Variants in CPT1A observed in about 807,000 individuals in gnomAD.
CPT1A encodes the protein carnitine palmitoyltransferase 1A, also known as carnitine O-palmitoyltransferase 1, liver isoform.
A neutral mutation model predicts 100.8 loss-of-function variants in CPT1A; 64 were observed. The observed-to-expected ratio is 0.63, with a 90% CI of 0.52 to 0.78. The LOEUF is 0.78. Among genes scored for constraint, CPT1A ranks in the 30% least tolerant of loss-of-function variants. The pLI is 0.00. For synonymous variants in CPT1A, 363 were observed against 396.0 expected (o/e 0.92, Z 0.99); for missense variants, 802 against 1,034.1 (o/e 0.78, Z 3.08).
intron 8 of CPT1A, 148 bp from the exon 9 acceptor site, chr11:68,793,550 C>G: frequency 4.9e-6 from 3 of 607,770 alleles, no homozygotes; most frequent in South Asian, 3.2e-5. Flanking sequence ...TGGAGACCAT[C>G]CTGGCTAACA....
chr11:68,766,524 C>T lies in CPT1A; in HGVS notation c.1741-3763G>A, dbSNP rs111776469. 2.7e-3 allele frequency among the ~76,000 whole-genome samples: 407 copies of T among 152,168 alleles called. 3 individuals carry two copies. The highest frequency in any genetic ancestry group is 9.0e-3 in the African/African-American group (372 of 41,528). Reference sequence around the variant, plus strand: ...TTTTTGAGACAGAGTCTCACTCTATCGCCCATGCCGGAGTGCAGTGGTGCG... The same window carrying T: ...TTTTTGAGACAGAGTCTCACTCTATTGCCCATGCCGGAGTGCAGTGGTGCG... On this transcript the variant is annotated intron_variant, in intron 14 of 18. Transcript: ENST00000265641.
intron 11 of CPT1A, 117 bp from the exon 12 acceptor site, chr11:68,780,862 C>A: frequency 1.3e-6 from 1 of 757,808 alleles, no homozygotes; most frequent in Non-Finnish European, 2.4e-6. Context: ...GTCCCTCTAA[C>A]AGTGAGCAGA....
At chr11:68,777,875 A>G (rs1233647785) in intron 12 of CPT1A, among the ~76,000 whole-genome samples, 1 of 152,016 alleles carries the variant, frequency 6.6e-6, no homozygotes, top group Non-Finnish European at 1.5e-5. Context: ...CTGTGCAGAG[A>G]TTTATTAAAG....
chr11:68,816,032 T>A (rs2154001406), intron 1 of CPT1A, among the ~76,000 whole-genome samples: 1 of 151,474 alleles, frequency 6.6e-6, no homozygotes, highest in East Asian at 2.0e-4. Context: ...GAACCACGCC[T>A]CCAAGCCAGC....
At chr11:68,837,770 G>A (rs1474465684) in intron 1 of CPT1A, among the ~76,000 whole-genome samples, 2 of 152,038 alleles carry the variant, frequency 1.3e-5, no homozygotes, top group Non-Finnish European at 2.9e-5. Context: ...GGCCAAGAGT[G>A]CACTATGATT....
chr11:68,821,372 T>C (rs1438629297), intron 1 of CPT1A, among the ~76,000 whole-genome samples: 3 of 152,000 alleles, frequency 2.0e-5, no homozygotes, highest in African/African-American at 7.2e-5. Context: ...AGGCTGGCCT[T>C]GAACTCCTGA....
chr11:68,771,682 C>A (rs997476335), intron 14 of CPT1A, among the ~76,000 whole-genome samples: 1 of 152,202 alleles, frequency 6.6e-6, no homozygotes, highest in Non-Finnish European at 1.5e-5. Flanking sequence ...ATTTTAAATA[C>A]GATTTTGGCC....
At chr11:68,826,557 AC>A (rs1203865183) in intron 1 of CPT1A, among the ~76,000 whole-genome samples, 2 of 150,192 alleles carry the variant, frequency 1.3e-5, no homozygotes, top group Non-Finnish European at 3.0e-5. Flanking sequence ...ACACGGTGAA[AC>A]CCCATCTCTA....
intron 1 of CPT1A, among the ~76,000 whole-genome samples, chr11:68,832,792 A>G (rs1856912930): frequency 1.3e-5 from 2 of 152,240 alleles, no homozygotes; most frequent in African/African-American, 4.8e-5. Context: ...CTCCAGCGGT[A>G]AACAACTATG....
chr11:68,775,373 G>A lies in CPT1A; in HGVS notation c.1518C>T (p.Gly506=), dbSNP rs573112017. The A allele has an allele frequency of 1.4e-5, 22 of 1,614,198 alleles. No homozygotes were observed. The highest frequency in any genetic ancestry group is 1.3e-4 in the East Asian group (6 of 44,886). The change falls in exon 13 of 19, where the codon GGC becomes GGT. Residue 506 remains glycine, a synonymous_variant. Coordinates refer to ENST00000265641, the MANE Select transcript of CPT1A (RefSeq NM_001876.4). The part of the protein sequence containing the change: ...LGYAEDGHCK[G]DINPNIPYPT... The stretch of plus-strand genomic sequence containing the variant: ...GGTACGGAATGTTCGGATTGATGTC[G>A]CCTTTGCAGTGCCCATCCTCCGCAT...
chr11:68,821,450 G>A (rs1212316496), intron 1 of CPT1A, among the ~76,000 whole-genome samples: 5 of 150,754 alleles, frequency 3.3e-5, no homozygotes, highest in Non-Finnish European at 5.9e-5. Context: ...ACCGCGCCCG[G>A]CCTACATTTT....
chr11:68,815,252 A>C, intron 2 of CPT1A, 82 bp downstream of exon 2: 1 of 1,429,580 alleles, frequency 7.0e-7, no homozygotes, highest in Non-Finnish European at 9.8e-7. Context: ...AGTCTGAAAC[A>C]CGTAGACCTC....
intron 10 of CPT1A, among the ~76,000 whole-genome samples, chr11:68,783,208 CCT>C (rs1855362702): frequency 6.6e-6 from 1 of 152,100 alleles, no homozygotes; most frequent in Non-Finnish European, 1.5e-5. Context: ...GAAAAGCATC[CCT>C]GTGTCCAGGG....
At position 68,759,663 on chromosome 11, in the gene CPT1A, T is replaced by C. The variant is rs1434792467; in HGVS notation, c.2143-2A>G. ...CACACCATAGCCGTCATCAGCAACCTGGAGGACAAGGGAATTTGAATTTGT... is the reference window on the plus strand; with the variant it reads ...CACACCATAGCCGTCATCAGCAACCCGGAGGACAAGGGAATTTGAATTTGT... On this transcript the variant is annotated splice_acceptor_variant, in intron 17 of 18. Coordinates refer to ENST00000265641, the MANE Select transcript of CPT1A (RefSeq NM_001876.4). LOFTEE classifies it high-confidence loss of function. 6.2e-7 allele frequency: 1 copy of C among 1,606,606 alleles called. No homozygotes were observed. The highest frequency in any genetic ancestry group is 8.5e-7 in the Non-Finnish European group (1 of 1,173,260).
chr11:68,799,141 C>T (rs1855831850), intron 6 of CPT1A, 77 bp downstream of exon 6: 4 of 1,365,550 alleles, frequency 2.9e-6, no homozygotes, highest in Non-Finnish European at 4.2e-6. Context: ...CATTTCAGCC[C>T]TGTTATCCCT....
intron 12 of CPT1A, among the ~76,000 whole-genome samples, chr11:68,778,498 G>A (rs968635708): frequency 9.2e-5 from 14 of 152,230 alleles, no homozygotes; most frequent in African/African-American, 3.4e-4. Context: ...CACTTTGAGA[G>A]GCCAAGGCGG....
chr11:68,763,127 G>A (rs1489603681), intron 14 of CPT1A, among the ~76,000 whole-genome samples: 1 of 152,186 alleles, frequency 6.6e-6, no homozygotes, highest in Admixed American at 6.5e-5. Flanking sequence ...GGGATTACAG[G>A]TGTGAGCCAC....
chr11:68,800,126 G>A (rs1042563582), intron 5 of CPT1A, among the ~76,000 whole-genome samples: 7 of 152,124 alleles, frequency 4.6e-5, no homozygotes, highest in Admixed American at 3.3e-4. Context: ...GCTGGGGCTG[G>A]GCAGGTGCTC....
At chr11:68,793,463 T>C in intron 8 of CPT1A, 61 bp from the exon 9 acceptor site, 1 of 1,416,408 alleles carries the variant, frequency 7.1e-7, no homozygotes, top group South Asian at 1.2e-5. Context: ...AGCAGCAAGT[T>C]GGCCGGGTGC....
Sources: gnomAD v4.1 joint callset for allele counts (sites outside exome capture counted in the v4.1 genomes callset) on GRCh38, gnomAD v4.1.1 for gene constraint, MANE v1.5 for transcripts, NCBI Gene and HGNC (gene_info 2026-07-23, HGNC 2026-07-21) for gene names.